LINGO2: variants seen among roughly 807,000 people sequenced by gnomAD.
The protein encoded by LINGO2 is leucine-rich repeat and immunoglobulin-like domain-containing nogo receptor-interacting protein 2.
LINGO2 carries 14 observed loss-of-function variants against 30.6 expected under a neutral mutation model. That is an observed-to-expected ratio of 0.46 (90% CI 0.30 to 0.72). The LOEUF (loss-of-function observed/expected upper bound fraction) is 0.72, where lower values mean the gene tolerates loss of function less well. Ranked by LOEUF, LINGO2 falls within the 30% of genes least tolerant of loss-of-function variation. The probability of loss-of-function intolerance (pLI) is 0.07; values close to 1 mark genes in which losing one functional copy is unlikely to be tolerated. For synonymous variants in LINGO2, 317 were observed against 288.5 expected, an observed-to-expected ratio of 1.10 and a Z score of -1.00; for missense variants, 729 against 751.7, an observed-to-expected ratio of 0.97 and a Z score of 0.35.
At chr9:28,353,296 A>C (rs9775715) in intron 3 of LINGO2, among the ~76,000 whole-genome samples, 54,893 of 143,994 alleles carry the variant, frequency 0.38, 10,364 homozygotes, top group South Asian at 0.53. Flanking sequence ...GAACTCAAAC[A>C]AATTTACAAG....
chr9:28,783,437 A>AT, the LINGO2 span, among the ~76,000 whole-genome samples: 1 of 151,960 alleles, frequency 6.6e-6, no homozygotes, highest in Non-Finnish European at 1.5e-5. Context: ...AATACTTAAT[A>AT]TTTTTTTACT....
At chr9:28,164,224 C>G (rs983024916) in intron 4 of LINGO2, among the ~76,000 whole-genome samples, 1 of 151,988 alleles carries the variant, frequency 6.6e-6, no homozygotes, top group South Asian at 2.1e-4. Flanking sequence ...ACAGCTAAAC[C>G]CAGGATTCAT....
the LINGO2 span, among the ~76,000 whole-genome samples, chr9:29,173,719 T>TTATTTG: frequency 6.6e-6 from 1 of 152,124 alleles, no homozygotes; most frequent in African/African-American, 2.4e-5. Context: ...GAATGAGGTC[T>TTATTTG]AGTTTAAAAT....
chr9:28,382,910 A>AT (rs1204048102), intron 2 of LINGO2, among the ~76,000 whole-genome samples: 3 of 152,026 alleles, frequency 2.0e-5, no homozygotes, highest in Admixed American at 1.3e-4. Context: ...AAATTTTATC[A>AT]TTTTTTCATA....
At chr9:28,645,628 G>A (rs6476084) in intron 1 of LINGO2, among the ~76,000 whole-genome samples, 30,697 of 151,970 alleles carry the variant, frequency 0.2, 3,430 homozygotes, top group Admixed American at 0.33. Flanking sequence ...GATCATTTGA[G>A]GGGACTGGTG....
intron 4 of LINGO2, among the ~76,000 whole-genome samples, chr9:28,166,466 G>C (rs1828429632): frequency 2.0e-5 from 3 of 152,208 alleles, no homozygotes; most frequent in Admixed American, 1.3e-4. Context: ...TCACTGGAGG[G>C]ATGATCTTTT....
intron 1 of LINGO2, among the ~76,000 whole-genome samples, chr9:28,602,625 A>G (rs960656160): frequency 6.6e-6 from 1 of 152,134 alleles, no homozygotes; most frequent in African/African-American, 2.4e-5. Context: ...TATAGTAAAG[A>G]CATACTTATA....
At chr9:28,012,950 C>G (rs1822634065) in intron 4 of LINGO2, among the ~76,000 whole-genome samples, 3 of 152,152 alleles carry the variant, frequency 2.0e-5, no homozygotes, top group African/African-American at 7.2e-5. Flanking sequence ...TGAGCTCCAT[C>G]CTGATTCTGA....
intron 4 of LINGO2, among the ~76,000 whole-genome samples, chr9:28,034,646 G>A (rs1823844273): frequency 6.6e-6 from 1 of 152,180 alleles, no homozygotes; most frequent in African/African-American, 2.4e-5. Flanking sequence ...CTGGCTTGGA[G>A]AACAAGGATT....
chr9:28,544,974 G>T (rs999268088), intron 1 of LINGO2, among the ~76,000 whole-genome samples: 3 of 151,464 alleles, frequency 2.0e-5, no homozygotes, highest in Non-Finnish European at 2.9e-5. Flanking sequence ...TTTGGAAGAG[G>T]TACTATGTTA....
At chr9:29,076,594 T>A in the LINGO2 span, among the ~76,000 whole-genome samples, 66 of 146,538 alleles carry the variant, frequency 4.5e-4, no homozygotes, top group African/African-American at 1.6e-3. Flanking sequence ...ATATATATAT[T>A]ATATATAATT....
the LINGO2 span, among the ~76,000 whole-genome samples, chr9:29,140,647 G>A: frequency 6.6e-6 from 1 of 151,474 alleles, no homozygotes; most frequent in Non-Finnish European, 1.5e-5. Flanking sequence ...GTCTGGGGAA[G>A]GAAACAGACA....
At chr9:29,103,348 T>A in the LINGO2 span, among the ~76,000 whole-genome samples, 3 of 145,992 alleles carry the variant, frequency 2.1e-5, no homozygotes, top group African/African-American at 7.3e-5. Context: ...TAAGACTGAT[T>A]TTTGAAGAAA....
chr9:28,682,548 T>C, the LINGO2 span, among the ~76,000 whole-genome samples: 31 of 152,236 alleles, frequency 2.0e-4, no homozygotes, highest in African/African-American at 7.0e-4. Context: ...CTTTTTTATA[T>C]CATTTTTCAT....
chr9:27,981,305 C>T (rs2118903819), intron 5 of LINGO2, among the ~76,000 whole-genome samples: 1 of 151,568 alleles, frequency 6.6e-6, no homozygotes, highest in South Asian at 2.1e-4. Flanking sequence ...AATATTATCT[C>T]CATTTACAGA....
At chr9:28,419,570 C>A (rs563363078) in intron 2 of LINGO2, among the ~76,000 whole-genome samples, 42 of 150,194 alleles carry the variant, frequency 2.8e-4, no homozygotes, top group Non-Finnish European at 5.3e-4. Context: ...ATTTCAATCT[C>A]CTATAAGAAC....
At chr9:29,184,778 A>C in the LINGO2 span, among the ~76,000 whole-genome samples, 1 of 147,418 alleles carries the variant, frequency 6.8e-6, no homozygotes, top group Admixed American at 6.9e-5. Context: ...TGGAGAATGG[A>C]TTTAATTGAA....
chr9:28,884,945 TATA>T, the LINGO2 span, among the ~76,000 whole-genome samples: 4,375 of 23,760 alleles, frequency 0.18, 658 homozygotes, highest in Admixed American at 0.29. Flanking sequence ...ATATAATATA[TATA>T]ATATATAATA....
chr9:29,065,918 T>C, the LINGO2 span, among the ~76,000 whole-genome samples: 1 of 152,024 alleles, frequency 6.6e-6, no homozygotes, highest in South Asian at 2.1e-4. Flanking sequence ...TGATTCATTA[T>C]TTTTGTGGTG....
Sources: allele counts gnomAD v4.1 joint callset (sites outside exome capture counted in the v4.1 genomes callset), GRCh38; gene constraint gnomAD v4.1.1; transcripts MANE v1.5; gene names NCBI Gene and HGNC (gene_info 2026-07-23, HGNC 2026-07-21).